Variants in PLPPR1 observed in about 807,000 individuals in gnomAD.
PLPPR1 encodes the protein phospholipid phosphatase-related protein type 1.
A neutral mutation model predicts 33.1 loss-of-function variants in PLPPR1; 10 were observed. The observed-to-expected ratio is 0.30, with a 90% CI of 0.19 to 0.51. The LOEUF is 0.51. PLPPR1 is among the 20% of genes least tolerant of loss of function. The probability of loss-of-function intolerance (pLI) is 0.97; values close to 1 mark genes in which losing one functional copy is unlikely to be tolerated. For missense variants in PLPPR1, 304 were observed against 408.1 expected, an observed-to-expected ratio of 0.74 and a Z score of 2.20; for synonymous variants, 151 against 151.0, an observed-to-expected ratio of 1.00 and a Z score of 0.00.
chr9:101,083,639 A>G (rs1830646363), intron 1 of PLPPR1, among the ~76,000 whole-genome samples: 1 of 152,158 alleles, frequency 6.6e-6, no homozygotes, highest in African/African-American at 2.4e-5. Flanking sequence ...CTACACCATA[A>G]AGCAGTGTCC....
At chr9:101,150,084 T>G (rs1194296247) in intron 1 of PLPPR1, among the ~76,000 whole-genome samples, 1 of 152,124 alleles carries the variant, frequency 6.6e-6, no homozygotes, top group East Asian at 1.9e-4. Context: ...TAATGGGACT[T>G]TATCATGCTT....
intron 1 of PLPPR1, among the ~76,000 whole-genome samples, chr9:101,039,254 A>G (rs1033820292): frequency 6.6e-6 from 1 of 152,154 alleles, no homozygotes; most frequent in African/African-American, 2.4e-5. Context: ...GCCATCCACT[A>G]GCTTTGTGAT....
chr9:101,212,007 A>C (rs1446703450), intron 2 of PLPPR1, among the ~76,000 whole-genome samples: 1 of 152,098 alleles, frequency 6.6e-6, no homozygotes, highest in African/African-American at 2.4e-5. Flanking sequence ...TTGTTCTAAC[A>C]CTACATCCTT....
intron 2 of PLPPR1, among the ~76,000 whole-genome samples, chr9:101,210,481 C>CA (rs998909113): frequency 3.6e-4 from 54 of 151,954 alleles, no homozygotes; most frequent in Non-Finnish European, 6.9e-4. Flanking sequence ...GGGTACTTGA[C>CA]TTTTTTTTCT....
intron 4 of PLPPR1, among the ~76,000 whole-genome samples, chr9:101,288,072 C>T (rs1159816601): frequency 6.6e-6 from 1 of 152,172 alleles, no homozygotes; most frequent in Non-Finnish European, 1.5e-5. Context: ...GACCCACCCA[C>T]TTGGAGCAGG....
At chr9:101,075,831 G>A (rs1487733075) in intron 1 of PLPPR1, among the ~76,000 whole-genome samples, 2 of 151,644 alleles carry the variant, frequency 1.3e-5, no homozygotes, top group Non-Finnish European at 2.9e-5. Context: ...GATGGAGAGT[G>A]GTTGGATGAG....
At chr9:101,319,186 T>TC (rs1300543549) in intron 7 of PLPPR1, among the ~76,000 whole-genome samples, 9 of 152,160 alleles carry the variant, frequency 5.9e-5, no homozygotes, top group East Asian at 1.9e-4. Context: ...TGCTCTTTTT[T>TC]CCCCCGCTGA....
chr9:101,296,277 A>G (rs1230872180), intron 4 of PLPPR1, among the ~76,000 whole-genome samples: 3 of 151,770 alleles, frequency 2.0e-5, no homozygotes, highest in Non-Finnish European at 2.9e-5. Context: ...TAGAATGGCA[A>G]TCATTAAAAA....
chr9:101,185,429 T>C, intron 1 of PLPPR1, 21 bp from the exon 2 acceptor site: 3 of 952,196 alleles, frequency 3.2e-6, no homozygotes, highest in South Asian at 2.8e-5. Flanking sequence ...TCTTATACTA[T>C]GCAACCTATT....
At chr9:101,069,310 A>G (rs1166449261) in intron 1 of PLPPR1, among the ~76,000 whole-genome samples, 1 of 152,124 alleles carries the variant, frequency 6.6e-6, no homozygotes, top group African/African-American at 2.4e-5. Context: ...ATTAAGGCTG[A>G]TAGAGGTAAA....
chr9:101,108,004 G>T (rs1215977354), intron 1 of PLPPR1, among the ~76,000 whole-genome samples: 2 of 148,822 alleles, frequency 1.3e-5, no homozygotes, highest in Non-Finnish European at 3.0e-5. Context: ...GCCCTGCTTC[G>T]GCTCGCGCAC....
intron 1 of PLPPR1, among the ~76,000 whole-genome samples, chr9:101,148,843 C>T (rs1831550922): frequency 6.6e-6 from 1 of 152,186 alleles, no homozygotes; most frequent in East Asian, 1.9e-4. Flanking sequence ...TTTCCCATTT[C>T]TTTGCCTTTA....
chr9:101,137,704 G>A (rs903998908), intron 1 of PLPPR1, among the ~76,000 whole-genome samples: 5 of 152,134 alleles, frequency 3.3e-5, no homozygotes, highest in African/African-American at 1.2e-4. Context: ...CTAGTATGTG[G>A]TACCACTAGA....
At chr9:101,307,353 C>T (rs1370318788) in intron 4 of PLPPR1, among the ~76,000 whole-genome samples, 1 of 152,210 alleles carries the variant, frequency 6.6e-6, no homozygotes, top group African/African-American at 2.4e-5. Flanking sequence ...TTTCCTTTTT[C>T]AGATCGTAAA....
rs75876981 is a variant in PLPPR1 at position 101,278,285 on chromosome 9, G to A, written c.253-7819G>A. Reference sequence around the variant, plus strand: ...TGTATTGATATCAGTTATTTATTGCGTACCACATGTTTTTTAAAATATTTG... The same window carrying A: ...TGTATTGATATCAGTTATTTATTGCATACCACATGTTTTTTAAAATATTTG... On this transcript the variant is annotated intron_variant, in intron 3 of 7. Transcript: ENST00000374874. 9.1e-3 allele frequency among the ~76,000 whole-genome samples: 1,388 copies of A among 152,006 alleles called. 8 individuals carry two copies. The highest frequency in any genetic ancestry group is 0.024 in the Middle Eastern group (7 of 294).
chr9:101,067,994 T>A (rs1830439240), intron 1 of PLPPR1, among the ~76,000 whole-genome samples: 1 of 152,116 alleles, frequency 6.6e-6, no homozygotes, highest in Non-Finnish European at 1.5e-5. Flanking sequence ...AACATAATGC[T>A]AAATGCTGAG....
At chr9:101,270,169 A>C in intron 3 of PLPPR1, 101 bp downstream of exon 3, 1 of 1,237,844 alleles carries the variant, frequency 8.1e-7, no homozygotes, top group Non-Finnish European at 1.1e-6. Flanking sequence ...ATTCACCAGC[A>C]GTTTTATCAG....
intron 6 of PLPPR1, among the ~76,000 whole-genome samples, chr9:101,315,877 T>A (rs964072513): frequency 6.6e-6 from 1 of 152,088 alleles, no homozygotes; most frequent in African/African-American, 2.4e-5. Context: ...GTGCTTTATG[T>A]TTGTGGTTCC....
intron 1 of PLPPR1, among the ~76,000 whole-genome samples, chr9:101,170,647 G>A (rs1313330026): frequency 6.6e-6 from 1 of 152,164 alleles, no homozygotes; most frequent in Non-Finnish European, 1.5e-5. Flanking sequence ...ACTGAAAATG[G>A]CATTTAGGCC....
Sources: allele counts gnomAD v4.1 joint callset (sites outside exome capture counted in the v4.1 genomes callset), GRCh38; gene constraint gnomAD v4.1.1; transcripts MANE v1.5; gene names NCBI Gene and HGNC (gene_info 2026-07-23, HGNC 2026-07-21).